Variants in PRKCA observed in about 807,000 individuals in gnomAD.
The protein encoded by PRKCA is protein kinase C alpha type.
PRKCA carries 27 observed loss-of-function variants against 87.0 expected under a neutral mutation model. That is an observed-to-expected ratio of 0.31 (90% CI 0.23 to 0.43). The LOEUF is 0.43. Among genes scored for constraint, PRKCA ranks in the 20% least tolerant of loss-of-function variants. PRKCA has a pLI of 1.00. For synonymous variants in PRKCA, 329 were observed against 311.1 expected, an observed-to-expected ratio of 1.06 and a Z score of -0.61; for missense variants, 518 against 852.3, an observed-to-expected ratio of 0.61 and a Z score of 4.88.
At chr17:66,341,595 G>A (rs112841894) in intron 2 of PRKCA, among the ~76,000 whole-genome samples, 1 of 152,126 alleles carries the variant, frequency 6.6e-6, no homozygotes, top group Non-Finnish European at 1.5e-5. Context: ...ACAATCCTAC[G>A]GTTTTGAGTA....
rs149601883 is a variant in PRKCA at position 66,732,754 on chromosome 17, A to G, written c.985A>G (p.Asn329Asp). Residue 329 changes from asparagine (N) to aspartate (D), a missense_variant, in exon 9 of 17, where the codon AAC becomes GAC. Physicochemically the swap from Asn to Asp is conservative, Grantham distance 23. Transcript: ENST00000413366. ...SPSEDRKQPS[N>D]NLDRVKLTDF... ...CTCTGAAGACAGGAAACAACCTTCCAACAACCTTGACCGAGTGAAACTCAC... is the reference window on the plus strand; with the variant it reads ...CTCTGAAGACAGGAAACAACCTTCCGACAACCTTGACCGAGTGAAACTCAC... The G allele has an allele frequency of 3.1e-6, 5 of 1,614,206 alleles. No individual in the cohort carries two copies. Among genetic ancestry groups the G allele is most frequent in the Non-Finnish European group, 3.4e-6 (4 of 1,180,042 alleles).
rs149858073 is a variant in PRKCA at position 66,779,509 on chromosome 17, C to T, written c.1605+5442C>T. On this transcript the variant is annotated intron_variant, in intron 14 of 16. Coordinates refer to ENST00000413366, the MANE Select transcript of PRKCA (RefSeq NM_002737.3). ...ATTTCACTCCTACTGAATCAGTAAT[C>T]GCCACTTCATCTTAACTTCGGCCTG... 1.4e-3 allele frequency among the ~76,000 whole-genome samples: 220 copies of T among 152,174 alleles called. 1 individual carries two copies. Among genetic ancestry groups the T allele is most frequent in the African/African-American group, 4.0e-3 (168 of 41,504 alleles).
chr17:66,556,782 C>A (rs1486117392), intron 3 of PRKCA, among the ~76,000 whole-genome samples: 1 of 152,166 alleles, frequency 6.6e-6, no homozygotes, highest in Non-Finnish European at 1.5e-5. Flanking sequence ...TCCCCTTCCA[C>A]CATGATTTTA....
intron 2 of PRKCA, among the ~76,000 whole-genome samples, chr17:66,322,495 C>T (rs1905731527): frequency 6.6e-6 from 1 of 152,012 alleles, no homozygotes; most frequent in Admixed American, 6.6e-5. Context: ...TGGAGTCTCC[C>T]TCTGTCATCC....
intron 4 of PRKCA, among the ~76,000 whole-genome samples, chr17:66,644,811 A>G (rs1971409266): frequency 6.6e-6 from 1 of 152,128 alleles, no homozygotes. Flanking sequence ...AGAATGACAT[A>G]AAGAATTCAT....
rs141659182 is a variant in PRKCA at position 66,363,460 on chromosome 17, G to A, written c.205+57333G>A. Among the ~76,000 whole-genome samples, 476 of 152,306 alleles carry A rather than the reference G, an allele frequency of 3.1e-3. 1 individual carries two copies. Among genetic ancestry groups the A allele is most frequent in the Admixed American group, 5.8e-3 (88 of 15,294 alleles). On this transcript the variant is annotated intron_variant, in intron 2 of 16. Transcript: ENST00000413366. ...CCTCGGTAAAGCAAACCAGCCATCC[G>A]AATGTAAAGGCAGCTCCTTTCTTTC...
At chr17:66,312,843 A>G (rs970462162) in intron 2 of PRKCA, among the ~76,000 whole-genome samples, 11 of 151,414 alleles carry the variant, frequency 7.3e-5, no homozygotes, top group African/African-American at 2.4e-4. Flanking sequence ...GGCTCAAGAA[A>G]TTCTCATGCC....
rs938883476 is a variant in PRKCA at position 66,513,678 on chromosome 17, G to T, written c.288+17395G>T. Among the ~76,000 whole-genome samples, 6 of 152,212 alleles carry T rather than the reference G, an allele frequency of 3.9e-5. No homozygotes were observed. In the East Asian group the frequency reaches 1.2e-3, roughly 29 times the overall value. On this transcript the variant is annotated intron_variant, in intron 3 of 16. Coordinates refer to ENST00000413366, the MANE Select transcript of PRKCA (RefSeq NM_002737.3). The stretch of plus-strand genomic sequence containing the variant: ...GCTAATATTCTTGGTGAGCAGTAGG[G>T]TGTTGTTAAGTAAATTGATGCATCA...
At chr17:66,560,676 C>T (rs562020698) in intron 3 of PRKCA, among the ~76,000 whole-genome samples, 10 of 152,138 alleles carry the variant, frequency 6.6e-5, no homozygotes, top group South Asian at 2.1e-4. Context: ...CCTATGACAC[C>T]GTTCAAAGTC....
chr17:66,420,336 G>A (rs1458416909), intron 2 of PRKCA, among the ~76,000 whole-genome samples: 3 of 152,122 alleles, frequency 2.0e-5, no homozygotes, highest in African/African-American at 4.8e-5. Flanking sequence ...AGTTTATGAA[G>A]CATCAGCTTT....
At chr17:66,678,633 T>TCCTG (rs1187850106) in intron 5 of PRKCA, among the ~76,000 whole-genome samples, 2 of 149,426 alleles carry the variant, frequency 1.3e-5, no homozygotes, top group African/African-American at 5.0e-5. Context: ...TTTTGTTTCC[T>TCCTG]CCTGCATAGG....
chr17:66,408,908 C>T (rs910195420), intron 2 of PRKCA, among the ~76,000 whole-genome samples: 10 of 151,588 alleles, frequency 6.6e-5, no homozygotes, highest in Non-Finnish European at 1.0e-4. Context: ...AAAAATTAGC[C>T]GGGCGTGGTG....
At chr17:66,418,304 T>C (rs1216508099) in intron 2 of PRKCA, among the ~76,000 whole-genome samples, 1 of 152,218 alleles carries the variant, frequency 6.6e-6, no homozygotes, top group Non-Finnish European at 1.5e-5. Context: ...TATGTTTGAA[T>C]ACAGAAACTT....
rs891950955 is a variant in PRKCA, at chr17:66,763,990, G to A, written c.1525-9997G>A. On this transcript the variant is annotated intron_variant, in intron 13 of 16. Transcript: ENST00000413366. ...AACTGGGCGAGTACCCACCATAGCTGTCTAGGGAACCCCACTGGATCAAGG... is the reference window on the plus strand; with the variant it reads ...AACTGGGCGAGTACCCACCATAGCTATCTAGGGAACCCCACTGGATCAAGG... 2.6e-5 allele frequency among the ~76,000 whole-genome samples: 4 copies of A among 152,186 alleles called. 1 individual carries two copies. In the East Asian group the frequency reaches 7.7e-4, roughly 29 times the overall value.
chr17:66,694,480 CAAAAAAAAAAAAAAA>C (rs57941055), intron 8 of PRKCA, among the ~76,000 whole-genome samples: 5 of 35,214 alleles, frequency 1.4e-4, no homozygotes, highest in Non-Finnish European at 2.4e-4. Context: ...GACTCTGTCT[CAAAAAAAAAAAAAAA>C]AAAAAAAAAA....
chr17:66,683,195 C>A (rs1387615456), intron 5 of PRKCA, among the ~76,000 whole-genome samples: 1 of 152,188 alleles, frequency 6.6e-6, no homozygotes, highest in Admixed American at 6.5e-5. Flanking sequence ...TTTATGGTTA[C>A]CTTCCATTTA....
chr17:66,772,267 G>A (rs1974950324), intron 13 of PRKCA, among the ~76,000 whole-genome samples: 2 of 152,126 alleles, frequency 1.3e-5, no homozygotes, highest in Admixed American at 6.5e-5. Context: ...AAAGAAATTA[G>A]AGACTCCTTG....
intron 16 of PRKCA, chr17:66,796,819 C>T: frequency 3.0e-6 from 3 of 985,380 alleles, no homozygotes; most frequent in Middle Eastern, 5.2e-4. Context: ...CACTGTACCC[C>T]AGCACTGGGA....
chr17:66,682,979 G>A (rs1313175248), intron 5 of PRKCA, among the ~76,000 whole-genome samples: 2 of 152,144 alleles, frequency 1.3e-5, no homozygotes, highest in Non-Finnish European at 2.9e-5. Context: ...GGTACTGTAC[G>A]GATGTTAAAA....
Sources: allele counts gnomAD v4.1 joint callset (sites outside exome capture counted in the v4.1 genomes callset), GRCh38; gene constraint gnomAD v4.1.1; transcripts MANE v1.5; gene names NCBI Gene and HGNC (gene_info 2026-07-23, HGNC 2026-07-21).